YPEL2: variants seen among roughly 807,000 people sequenced by gnomAD.
YPEL2 encodes the protein yippee like 2.
A neutral mutation model predicts 19.1 loss-of-function variants in YPEL2; 2 were observed. That is an observed-to-expected ratio of 0.10 (90% CI 0.04 to 0.33). The LOEUF (loss-of-function observed/expected upper bound fraction) is 0.33. YPEL2 is among the 10% of genes least tolerant of loss of function. YPEL2 has a pLI of 1.00. For missense variants in YPEL2, 66 were observed against 140.7 expected (o/e 0.47, Z 2.68); for synonymous variants, 52 against 50.0 (o/e 1.04, Z -0.17).
rs1392177168 is a variant in YPEL2 at position 59,399,612 on chromosome 17, T to A, written c.*2422T>A. ...GCTGTGAGAGAGCTGAGTAGAGTGT[T>A]GGTTTTTCCATAACTACAGGGGGAA... On this transcript the variant is annotated 3_prime_UTR_variant, in exon 5 of 5. Transcript: ENST00000312655. 3 of 152,272 alleles carry A rather than the reference T, an allele frequency of 2.0e-5. No homozygotes were observed. The highest frequency in any genetic ancestry group is 4.4e-5 in the Non-Finnish European group (3 of 68,022). 9.4% of individuals were successfully genotyped at this position (152,272 alleles called of 1,614,324 possible).
intron 2 of YPEL2, among the ~76,000 whole-genome samples, chr17:59,375,212 C>T (rs2047914829): frequency 6.6e-6 from 1 of 152,114 alleles, no homozygotes; most frequent in African/African-American, 2.4e-5. Flanking sequence ...TCTTTCAAAT[C>T]CCAGTGTCTG....
chr17:59,348,914 C>A (rs558545651), intron 1 of YPEL2, among the ~76,000 whole-genome samples: 1 of 152,274 alleles, frequency 6.6e-6, no homozygotes, highest in African/African-American at 2.4e-5. Flanking sequence ...TGGCTGGGCG[C>A]AGTGGCTCAC....
chr17:59,367,926 G>T (rs1324968198), intron 2 of YPEL2, among the ~76,000 whole-genome samples: 1 of 152,154 alleles, frequency 6.6e-6, no homozygotes, highest in Non-Finnish European at 1.5e-5. Flanking sequence ...AGCCTTGAAT[G>T]AGGGTCAAGC....
At chr17:59,376,598 C>A (rs959454691) in intron 2 of YPEL2, among the ~76,000 whole-genome samples, 1 of 152,142 alleles carries the variant, frequency 6.6e-6, no homozygotes, top group Non-Finnish European at 1.5e-5. Flanking sequence ...AATGATTATA[C>A]CCACCTGGTT....
chr17:59,388,253 G>T (rs2047990838), intron 2 of YPEL2, 74 bp from the exon 3 acceptor site: 2 of 1,449,348 alleles, frequency 1.4e-6, no homozygotes, highest in Admixed American at 3.3e-5. Flanking sequence ...ATGCTTAACT[G>T]TGATTGGGGT....
chr17:59,384,676 G>T (rs1422264692), intron 2 of YPEL2, among the ~76,000 whole-genome samples: 1 of 152,146 alleles, frequency 6.6e-6, no homozygotes, highest in Non-Finnish European at 1.5e-5. Flanking sequence ...TGTATAAAAT[G>T]AGCTAGTATT....
chr17:59,348,925 G>A (rs997361864), intron 1 of YPEL2, among the ~76,000 whole-genome samples: 5 of 152,088 alleles, frequency 3.3e-5, no homozygotes, highest in Admixed American at 1.3e-4. Context: ...AGTGGCTCAC[G>A]CCTGTAATCC....
chr17:59,333,327 G>C (rs2047681596), intron 1 of YPEL2, among the ~76,000 whole-genome samples: 1 of 152,218 alleles, frequency 6.6e-6, no homozygotes, highest in Non-Finnish European at 1.5e-5. Context: ...AGCCTCATCC[G>C]CTTCCTCAGT....
chr17:59,361,338 A>G (rs2047839876), intron 2 of YPEL2, among the ~76,000 whole-genome samples: 1 of 152,168 alleles, frequency 6.6e-6, no homozygotes, highest in African/African-American at 2.4e-5. Flanking sequence ...TATTCTAGAT[A>G]TTATAATACT....
intron 2 of YPEL2, among the ~76,000 whole-genome samples, chr17:59,361,437 T>C (rs769940557): frequency 6.6e-6 from 1 of 152,236 alleles, no homozygotes; most frequent in Non-Finnish European, 1.5e-5. Context: ...CTTCATCTTA[T>C]GTTTCTCTTA....
chr17:59,391,309 T>C (rs2048006323), intron 4 of YPEL2, among the ~76,000 whole-genome samples: 1 of 152,160 alleles, frequency 6.6e-6, no homozygotes, highest in African/African-American at 2.4e-5. Flanking sequence ...GTGTGGGATT[T>C]TGATAGTGGG....
At chr17:59,377,627 G>A (rs576968139) in intron 2 of YPEL2, among the ~76,000 whole-genome samples, 1 of 152,324 alleles carries the variant, frequency 6.6e-6, no homozygotes, top group South Asian at 2.1e-4. Flanking sequence ...TGTTTACCTT[G>A]GCATCTGCTG....
At chr17:59,383,252 T>C (rs998589445) in intron 2 of YPEL2, among the ~76,000 whole-genome samples, 5 of 152,012 alleles carry the variant, frequency 3.3e-5, no homozygotes, top group African/African-American at 1.2e-4. Flanking sequence ...TTAACATAGA[T>C]AAGTCTTAGG....
intron 2 of YPEL2, among the ~76,000 whole-genome samples, chr17:59,382,377 T>C (rs111548216): frequency 1.7e-3 from 188 of 108,524 alleles, no homozygotes; most frequent in African/African-American, 4.7e-3. Flanking sequence ...CGTGCCATCC[T>C]CCACCCCGCC....
At chr17:59,397,010 GAC>G in intron 4 of YPEL2, 89 bp from the exon 5 acceptor site, 1 of 901,278 alleles carries the variant, frequency 1.1e-6, no homozygotes, top group South Asian at 1.9e-5. Flanking sequence ...CAGCCTGGGT[GAC>G]AGAGTGAGAC....
intron 4 of YPEL2, among the ~76,000 whole-genome samples, chr17:59,394,690 G>A (rs1244988853): frequency 4.6e-5 from 7 of 152,092 alleles, no homozygotes; most frequent in Non-Finnish European, 2.9e-5. Flanking sequence ...ACGGGGTGGC[G>A]GCCGGGCAGA....
chr17:59,385,395 A>G (rs1392981384), intron 2 of YPEL2, among the ~76,000 whole-genome samples: 1 of 152,152 alleles, frequency 6.6e-6, no homozygotes, highest in Non-Finnish European at 1.5e-5. Flanking sequence ...CCTGGGCAAC[A>G]TGGCAAGATT....
At chr17:59,388,274 A>G in intron 2 of YPEL2, 53 bp from the exon 3 acceptor site, 1 of 1,602,570 alleles carries the variant, frequency 6.2e-7, no homozygotes, top group Non-Finnish European at 8.6e-7. Context: ...TGGTTTCCCA[A>G]ACAGATAGGT....
chr17:59,363,827 C>G (rs1054914730), intron 2 of YPEL2, among the ~76,000 whole-genome samples: 1 of 152,200 alleles, frequency 6.6e-6, no homozygotes, highest in African/African-American at 2.4e-5. Context: ...TTGGCCTTGC[C>G]TATTTTATGG....
Sources: gnomAD v4.1 joint callset for allele counts (sites outside exome capture counted in the v4.1 genomes callset) on GRCh38, gnomAD v4.1.1 for gene constraint, MANE v1.5 for transcripts, NCBI Gene and HGNC (gene_info 2026-07-23, HGNC 2026-07-21) for gene names.